CAPZB: variants seen among roughly 807,000 people sequenced by gnomAD.
The protein encoded by CAPZB is capping actin protein of muscle Z-line subunit beta, also known as F-actin-capping protein subunit beta.
In CAPZB, 2 loss-of-function variants were observed where a neutral mutation model predicts 38.1. That is an observed-to-expected ratio of 0.05 (90% CI 0.02 to 0.17). The LOEUF (loss-of-function observed/expected upper bound fraction) is 0.17. Among genes scored for constraint, CAPZB ranks in the 10% least tolerant of loss-of-function variants. The pLI, the probability that CAPZB is intolerant of heterozygous loss-of-function variation, is 1.00. For missense variants in CAPZB, 161 were observed against 334.2 expected, an observed-to-expected ratio of 0.48 and a Z score of 4.04; for synonymous variants, 107 against 127.4, an observed-to-expected ratio of 0.84 and a Z score of 1.08.
At chr1:19,372,952 T>C (rs185802427) in intron 4 of CAPZB, among the ~76,000 whole-genome samples, 2 of 152,054 alleles carry the variant, frequency 1.3e-5, no homozygotes, top group Non-Finnish European at 2.9e-5. Context: ...GAGCAGATAA[T>C]ACCCTCACCT....
intron 2 of CAPZB, among the ~76,000 whole-genome samples, chr1:19,395,527 G>C (rs1024427010): frequency 2.6e-5 from 4 of 152,212 alleles, no homozygotes; most frequent in African/African-American, 9.7e-5. Context: ...GTTTCCTAAA[G>C]AAAGGGTCAG....
At chr1:19,465,417 A>T (rs2094565846) in intron 1 of CAPZB, among the ~76,000 whole-genome samples, 1 of 152,242 alleles carries the variant, frequency 6.6e-6, no homozygotes, top group Non-Finnish European at 1.5e-5. Flanking sequence ...AGCCTTCAGA[A>T]CTGTGAGTAA....
At chr1:19,350,323 TAAAC>T (rs921476532) in intron 6 of CAPZB, among the ~76,000 whole-genome samples, 18 of 152,378 alleles carry the variant, frequency 1.2e-4, no homozygotes, top group African/African-American at 4.3e-4. Context: ...TCGCACTAAA[TAAAC>T]AAATGTACAC....
intron 1 of CAPZB, among the ~76,000 whole-genome samples, chr1:19,423,424 G>A (rs1211700149): frequency 1.3e-5 from 2 of 151,758 alleles, no homozygotes; most frequent in East Asian, 1.9e-4. Context: ...GAAATGGAAC[G>A]ATGGGGACAG....
chr1:19,452,274 C>T (rs1008831660), intron 1 of CAPZB, among the ~76,000 whole-genome samples: 16 of 152,198 alleles, frequency 1.1e-4, no homozygotes, highest in African/African-American at 3.9e-4. Context: ...TCCCCCGCAA[C>T]GGCTCTAGGG....
chr1:19,394,123 C>T (rs1298471353), intron 2 of CAPZB, among the ~76,000 whole-genome samples: 1 of 152,228 alleles, frequency 6.6e-6, no homozygotes, highest in Non-Finnish European at 1.5e-5. Flanking sequence ...GCCTCAGCCT[C>T]ATGAGTAGCT....
At chr1:19,433,922 G>A (rs2094450161) in intron 1 of CAPZB, among the ~76,000 whole-genome samples, 1 of 152,204 alleles carries the variant, frequency 6.6e-6, no homozygotes. Context: ...GCCCAGCACT[G>A]CAGAGCACAA....
At chr1:19,352,769 T>C (rs1043528432) in intron 6 of CAPZB, among the ~76,000 whole-genome samples, 2 of 152,232 alleles carry the variant, frequency 1.3e-5, no homozygotes, top group Admixed American at 6.5e-5. Flanking sequence ...TTGACGTCCC[T>C]GAGAAACATC....
intron 1 of CAPZB, among the ~76,000 whole-genome samples, chr1:19,440,599 T>C (rs1202219925): frequency 6.6e-6 from 1 of 152,056 alleles, no homozygotes; most frequent in Admixed American, 6.5e-5. Flanking sequence ...TGTGCTCCTA[T>C]GACCAGTGTG....
intron 1 of CAPZB, among the ~76,000 whole-genome samples, chr1:19,473,904 T>C (rs933284118): frequency 1.3e-5 from 2 of 152,192 alleles, no homozygotes; most frequent in African/African-American, 4.8e-5. Context: ...TCCAATGGTG[T>C]TAATAGCATG....
intron 1 of CAPZB, among the ~76,000 whole-genome samples, chr1:19,448,113 C>G (rs1024956514): frequency 7.2e-5 from 11 of 152,210 alleles, no homozygotes. Flanking sequence ...AGTAGCCAGT[C>G]AACCTATCAG....
At position 19,357,405 on chromosome 1, in the gene CAPZB, C is replaced by T. The variant is rs1458918484; in HGVS notation, c.471+17G>A. On this transcript the variant is annotated intron_variant, in intron 5 of 8. Transcript: ENST00000264202. The surrounding 1 kb of genome is among the most constrained non-coding windows in gnomAD (Gnocchi z 4.3). The stretch of plus-strand genomic sequence containing the variant: ...TGTACTTAGTGGCCCGGGCCACCAG[C>T]TGCTGGGAGGCAGTACCTGCACTTC... 2 of 1,613,058 alleles carry T rather than the reference C, an allele frequency of 1.2e-6. No individual in the cohort carries two copies. The highest frequency in any genetic ancestry group is 8.5e-7 in the Non-Finnish European group (1 of 1,179,678).
At chr1:19,351,298 T>A (rs114590855) in intron 6 of CAPZB, among the ~76,000 whole-genome samples, 2,402 of 151,380 alleles carry the variant, frequency 0.016, 48 homozygotes, top group African/African-American at 0.043. Context: ...TTTTTTTTTT[T>A]AATAAAATTT....
intron 2 of CAPZB, among the ~76,000 whole-genome samples, chr1:19,416,542 G>A (rs2094380091): frequency 1.3e-5 from 2 of 152,044 alleles, no homozygotes; most frequent in African/African-American, 2.4e-5. Context: ...TATTCAACAC[G>A]TCAGCTGTCC....
chr1:19,444,019 G>A (rs1312561907), intron 1 of CAPZB, among the ~76,000 whole-genome samples: 5 of 152,164 alleles, frequency 3.3e-5, no homozygotes, highest in South Asian at 2.1e-4. Flanking sequence ...TTAGCCGGGC[G>A]TGGCGGAGCA....
intron 1 of CAPZB, among the ~76,000 whole-genome samples, chr1:19,469,741 T>TATACAC (rs369308849): frequency 2.6e-4 from 35 of 136,720 alleles, no homozygotes; most frequent in African/African-American, 9.7e-4. Flanking sequence ...AGGAAAAGAA[T>TATACAC]ACACACACAC....
At chr1:19,394,882 T>C (rs2094257751) in intron 2 of CAPZB, among the ~76,000 whole-genome samples, 1 of 152,188 alleles carries the variant, frequency 6.6e-6, no homozygotes, top group African/African-American at 2.4e-5. Context: ...GTAGTTTGAA[T>C]TTTGATCTTT....
intron 1 of CAPZB, among the ~76,000 whole-genome samples, chr1:19,445,638 CCG>C (rs1558268160): frequency 6.6e-6 from 1 of 152,090 alleles, no homozygotes; most frequent in East Asian, 1.9e-4. Flanking sequence ...AAAAAATAAT[CCG>C]CATGATTCCA....
intron 3 of CAPZB, among the ~76,000 whole-genome samples, chr1:19,383,203 T>G (rs2094184992): frequency 6.6e-6 from 1 of 151,764 alleles, no homozygotes; most frequent in African/African-American, 2.4e-5. Flanking sequence ...CCTGACATTT[T>G]GGGAAGCCAA....
Sources: gnomAD v4.1 joint callset for allele counts (sites outside exome capture counted in the v4.1 genomes callset) on GRCh38, gnomAD v4.1.1 for gene constraint, Gnocchi (gnomAD v3.1) non-coding constraint, MANE v1.5 for transcripts, NCBI Gene and HGNC (gene_info 2026-07-23, HGNC 2026-07-21) for gene names.